SDK1: variants seen among roughly 807,000 people sequenced by gnomAD.
SDK1 encodes the protein sidekick cell adhesion molecule 1, also known as protein sidekick-1.
In SDK1, 157 loss-of-function variants were observed where a neutral mutation model predicts 245.5. The ratio of observed to expected loss-of-function variants is 0.64; its 90% CI spans 0.56 to 0.73. SDK1 has a LOEUF of 0.73. Ranked by LOEUF, SDK1 falls within the 30% of genes least tolerant of loss-of-function variation. SDK1 has a pLI of 0.00. For missense variants in SDK1, 3,583 were observed against 3,002.3 expected, an observed-to-expected ratio of 1.19 and a Z score of -4.52; for synonymous variants, 1,647 against 1,278.5, an observed-to-expected ratio of 1.29 and a Z score of -6.15.
chr7:4,096,890 C>T (rs1157576500), intron 22 of SDK1, among the ~76,000 whole-genome samples: 1 of 152,200 alleles, frequency 6.6e-6, no homozygotes, highest in African/African-American at 2.4e-5. Context: ...TCCCCAGTGA[C>T]TGTAAGGATC....
chr7:3,635,681 A>G (rs891833215), intron 2 of SDK1, among the ~76,000 whole-genome samples: 1 of 152,060 alleles, frequency 6.6e-6, no homozygotes, highest in Non-Finnish European at 1.5e-5. Context: ...CTTTTTGGAA[A>G]ATAGTCTTTT....
intron 22 of SDK1, among the ~76,000 whole-genome samples, chr7:4,108,224 G>A (rs922050438): frequency 6.6e-6 from 1 of 152,174 alleles, no homozygotes; most frequent in African/African-American, 2.4e-5. Context: ...GCTGCCATGG[G>A]CCCTGATGGG....
chr7:3,323,317 A>G (rs1471102781), intron 1 of SDK1, among the ~76,000 whole-genome samples: 2 of 152,230 alleles, frequency 1.3e-5, no homozygotes, highest in Non-Finnish European at 2.9e-5. Context: ...TGTTTGAGTG[A>G]ATGAATATGT....
chr7:4,085,219 G>A (rs1414856892), intron 22 of SDK1, among the ~76,000 whole-genome samples: 1 of 152,094 alleles, frequency 6.6e-6, no homozygotes, highest in African/African-American at 2.4e-5. Context: ...AAAACTTTAT[G>A]TTAAAACACA....
intron 13 of SDK1, among the ~76,000 whole-genome samples, chr7:3,983,992 A>G (rs954398286): frequency 6.6e-6 from 1 of 152,162 alleles, no homozygotes; most frequent in African/African-American, 2.4e-5. Flanking sequence ...CCTCAAGACT[A>G]GTTTGCTTTC....
At chr7:3,479,219 C>T (rs548926218) in intron 1 of SDK1, among the ~76,000 whole-genome samples, 2 of 151,910 alleles carry the variant, frequency 1.3e-5, no homozygotes, top group Admixed American at 6.5e-5. Flanking sequence ...GTCAGGAGTT[C>T]GAGACCATCC....
In SDK1 at chr7:4,012,228, A is replaced by G. The variant is rs761831420; in HGVS notation, c.2413A>G (p.Ile805Val). ...TEHNGVLRGYILRYRLAGLPG... is the reference protein window; with the variant it reads ...TEHNGVLRGYVLRYRLAGLPG... Reference sequence around the variant, plus strand: ...GCACAACGGGGTGTTGCGTGGATACATCCTCAGGCAAGTGCCCTGTGATTG... The same window carrying G: ...GCACAACGGGGTGTTGCGTGGATACGTCCTCAGGCAAGTGCCCTGTGATTG... Residue 805 changes from isoleucine (I) to valine (V), a missense_variant, in exon 16 of 45, where the codon ATC (isoleucine) becomes GTC (valine). Ile to Val is a conservative substitution (Grantham distance 29). Transcript: ENST00000404826. The G allele has an allele frequency of 2.0e-6, 3 of 1,509,344 alleles. No individual in the cohort carries two copies. The highest frequency in any genetic ancestry group is 2.9e-5 in the African/African-American group (2 of 69,780). The allele number at this position is 1,509,344 out of a possible 1,614,324, so 93.5% of individuals were successfully genotyped here. A position where few individuals can be genotyped will look rare whatever the true frequency, so the allele number is the denominator to read the frequency against.
intron 4 of SDK1, among the ~76,000 whole-genome samples, chr7:3,722,020 C>G (rs1171444526): frequency 1.3e-5 from 2 of 152,108 alleles, no homozygotes; most frequent in Non-Finnish European, 2.9e-5. Flanking sequence ...CTCACTGCAG[C>G]CTTGACCTCT....
intron 17 of SDK1, among the ~76,000 whole-genome samples, chr7:4,027,725 T>G (rs1262666112): frequency 6.6e-6 from 1 of 152,190 alleles, no homozygotes; most frequent in African/African-American, 2.4e-5. Flanking sequence ...TATATTAATT[T>G]CATCACATTA....
At chr7:4,084,086 C>G (rs6962719) in intron 22 of SDK1, among the ~76,000 whole-genome samples, 2 of 152,058 alleles carry the variant, frequency 1.3e-5, no homozygotes, top group Non-Finnish European at 2.9e-5. Flanking sequence ...TCAGTCTTTC[C>G]TCATTTAGCT....
intron 4 of SDK1, among the ~76,000 whole-genome samples, chr7:3,658,723 T>A (rs6943054): frequency 6.7e-6 from 1 of 150,018 alleles, no homozygotes; most frequent in Admixed American, 6.7e-5. Flanking sequence ...CAAGAAATCC[T>A]CATGTCTCAG....
At position 4,183,844 on chromosome 7, in the gene SDK1, C is replaced by T. The variant is rs552297174; in HGVS notation, c.5098+5258C>T. On this transcript the variant is annotated intron_variant, in intron 35 of 44. Coordinates refer to ENST00000404826, the MANE Select transcript of SDK1 (RefSeq NM_152744.4). ...AGTAAATTCCTAGACACGGCCCCTGCATCCAGGTCTCTGCTCCACCCCACC... is the reference window on the plus strand; with the variant it reads ...AGTAAATTCCTAGACACGGCCCCTGTATCCAGGTCTCTGCTCCACCCCACC... 3.9e-5 allele frequency among the ~76,000 whole-genome samples: 6 copies of T among 152,268 alleles called. No homozygotes were observed. The East Asian group carries it at 7.7e-4, about 20-fold the overall frequency.
At chr7:3,384,352 C>A (rs1277940351) in intron 1 of SDK1, among the ~76,000 whole-genome samples, 1 of 151,962 alleles carries the variant, frequency 6.6e-6, no homozygotes, top group East Asian at 1.9e-4. Context: ...ATAACATATG[C>A]TGAAGGACAC....
intron 1 of SDK1, among the ~76,000 whole-genome samples, chr7:3,601,419 A>G (rs182868163): frequency 4.7e-4 from 72 of 152,228 alleles, no homozygotes; most frequent in African/African-American, 1.4e-3. Context: ...TATTTGGACT[A>G]TTAATATTTC....
At chr7:3,992,981 T>A (rs1784452851) in intron 14 of SDK1, among the ~76,000 whole-genome samples, 1 of 152,242 alleles carries the variant, frequency 6.6e-6, no homozygotes, top group Non-Finnish European at 1.5e-5. Flanking sequence ...ACTATCAATA[T>A]GTTGTGGGCT....
At chr7:3,373,989 T>A (rs1197791815) in intron 1 of SDK1, among the ~76,000 whole-genome samples, 1 of 152,240 alleles carries the variant, frequency 6.6e-6, no homozygotes, top group Non-Finnish European at 1.5e-5. Flanking sequence ...ATACTTTGTT[T>A]TAACATAAGA....
chr7:3,555,753 G>A (rs546769078), intron 1 of SDK1, among the ~76,000 whole-genome samples: 3 of 152,188 alleles, frequency 2.0e-5, no homozygotes, highest in South Asian at 4.2e-4. Flanking sequence ...ATTAAAAAAT[G>A]GACAAAAGAT....
At chr7:3,704,905 T>G (rs1333440689) in intron 4 of SDK1, among the ~76,000 whole-genome samples, 1 of 152,212 alleles carries the variant, frequency 6.6e-6, no homozygotes, top group Non-Finnish European at 1.5e-5. Context: ...CTTCTACATG[T>G]GGCTAGCCAC....
chr7:4,104,825 C>A (rs996726244), intron 22 of SDK1, among the ~76,000 whole-genome samples: 1 of 152,080 alleles, frequency 6.6e-6, no homozygotes, highest in Non-Finnish European at 1.5e-5. Context: ...GCATCAGCCT[C>A]CTGAGTAGCT....
Sources: allele counts gnomAD v4.1 joint callset (sites outside exome capture counted in the v4.1 genomes callset), GRCh38; gene constraint gnomAD v4.1.1; transcripts MANE v1.5; gene names NCBI Gene and HGNC (gene_info 2026-07-23, HGNC 2026-07-21).